Variants in PPP6R1 observed in about 807,000 individuals in gnomAD.
PPP6R1 encodes protein phosphatase 6 regulatory subunit 1.
A neutral mutation model predicts 104.6 loss-of-function variants in PPP6R1; 39 were observed. That is an observed-to-expected ratio of 0.37 (90% CI 0.29 to 0.49). The LOEUF is 0.49. PPP6R1 is among the 20% of genes least tolerant of loss of function. The pLI is 0.98. For missense variants in PPP6R1, 1,181 were observed against 1,155.8 expected (o/e 1.02, Z -0.32); for synonymous variants, 549 against 479.0 (o/e 1.15, Z -1.91).
intron 20 of PPP6R1, 24 bp from the exon 21 acceptor site, chr19:55,231,515 C>A (rs759852107): frequency 1.2e-6 from 2 of 1,600,136 alleles, no homozygotes; most frequent in Non-Finnish European, 8.5e-7. Context: ...GAGATCTCAG[C>A]TGCAGCTCCC....
chr19:55,241,717 G>A lies in PPP6R1; in HGVS notation c.846-78C>T, dbSNP rs1002689812. The A allele has an allele frequency of 6.6e-5, 94 of 1,431,930 alleles. No homozygotes were observed. The highest frequency in any genetic ancestry group is 1.5e-4 in the East Asian group (6 of 39,816). The allele number at this position is 1,431,930 out of a possible 1,614,324, so 88.7% of individuals were successfully genotyped here. ...ACACAGGAGTAGGCACAAGGACCAC[G>A]TCTGCAGGGTCTGGAGGAAAACGAG... On this transcript the variant is annotated intron_variant, in intron 7 of 23. Coordinates refer to ENST00000412770, the MANE Select transcript of PPP6R1 (RefSeq NM_014931.4). The surrounding 1 kb of genome is among the most constrained non-coding windows in gnomAD (Gnocchi z 5.4).
At chr19:55,231,040 G>C in intron 21 of PPP6R1, 156 bp from the exon 22 acceptor site, 1 of 680,442 alleles carries the variant, frequency 1.5e-6, no homozygotes. Flanking sequence ...GCTCAGCGTG[G>C]AGGGACAGCA....
In PPP6R1 at chr19:55,241,711, GACC is replaced by G; in HGVS notation, c.846-75_846-73del. 6.9e-7 allele frequency: 1 copy of G among 1,452,844 alleles called. No homozygotes were observed. Among genetic ancestry groups the G allele is most frequent in the South Asian group, 1.4e-5 (1 of 71,390 alleles). The allele number at this position is 1,452,844 out of a possible 1,614,324, so 90.0% of individuals were successfully genotyped here. On this transcript the variant is annotated intron_variant, in intron 7 of 23. Coordinates refer to ENST00000412770, the MANE Select transcript of PPP6R1 (RefSeq NM_014931.4). This position sits in a 1 kb window ranked among gnomAD's most constrained non-coding sequence, Gnocchi z 5.4. ...GCGCCCACACAGGAGTAGGCACAAG[GACC>G]ACGTCTGCAGGGTCTGGAGGAAAAC...
intron 1 of PPP6R1, among the ~76,000 whole-genome samples, chr19:55,248,456 C>T (rs2087528178): frequency 6.6e-6 from 1 of 152,264 alleles, no homozygotes; most frequent in African/African-American, 2.4e-5. Flanking sequence ...AAGGCAGAGG[C>T]CACTGCTACC....
chr19:55,235,239 C>T (rs944950355), intron 17 of PPP6R1, among the ~76,000 whole-genome samples: 35 of 151,776 alleles, frequency 2.3e-4, no homozygotes, highest in South Asian at 2.1e-4. Flanking sequence ...AACATTTGCA[C>T]TAAAATGTCA....
intron 17 of PPP6R1, 72 bp from the exon 18 acceptor site, chr19:55,232,283 C>G: frequency 6.8e-7 from 1 of 1,473,402 alleles, no homozygotes; most frequent in South Asian, 1.4e-5. Context: ...TTCCCTGCAG[C>G]CCAGGGTCAG....
intron 1 of PPP6R1, among the ~76,000 whole-genome samples, chr19:55,257,463 G>C (rs1457661011): frequency 6.6e-6 from 1 of 152,150 alleles, no homozygotes; most frequent in Admixed American, 6.5e-5. Flanking sequence ...CCCATTCGAG[G>C]CCTGGATAAG....
At chr19:55,248,982 C>T (rs531284688) in intron 1 of PPP6R1, among the ~76,000 whole-genome samples, 39 of 152,342 alleles carry the variant, frequency 2.6e-4, no homozygotes, top group African/African-American at 9.1e-4. Flanking sequence ...TGCTCCCAGT[C>T]TGCCCGTCTG....
chr19:55,253,166 G>A (rs906149203), intron 1 of PPP6R1, among the ~76,000 whole-genome samples: 27 of 152,318 alleles, frequency 1.8e-4, no homozygotes, highest in South Asian at 1.2e-3. Context: ...CCATGGACCC[G>A]CACTTGCAGA....
At position 55,230,345 on chromosome 19, in the gene PPP6R1, A is replaced by G; in HGVS notation, c.*183T>C. 1.3e-6 allele frequency: 1 copy of G among 761,482 alleles called. No individual in the cohort carries two copies. The highest frequency in any genetic ancestry group is 3.8e-4 in the Middle Eastern group (1 of 2,600). The allele number at this position is 761,482 out of a possible 1,614,324, so 47.2% of individuals were successfully genotyped here. A position where few individuals can be genotyped will look rare whatever the true frequency, so the allele number is the denominator to read the frequency against. On this transcript the variant is annotated 3_prime_UTR_variant, in exon 24 of 24. Coordinates refer to ENST00000412770, the MANE Select transcript of PPP6R1 (RefSeq NM_014931.4). ...GCAACGCTCCAAAACTTCTCTTCTC[A>G]GTGCAAATGGGGGTGGGTTGGGCCT...
rs745637001 is a variant in PPP6R1, at chr19:55,239,833, A to G, written c.1556T>C (p.Val519Ala). 2 of 1,613,852 alleles carry G rather than the reference A, an allele frequency of 1.2e-6. No individual in the cohort carries two copies. Among genetic ancestry groups the G allele is most frequent in the East Asian group, 4.5e-5 (2 of 44,870 alleles). Reference protein sequence around the residue: ...PLAETNKKNMVDLVNTHHLHS... With the variant: ...PLAETNKKNMADLVNTHHLHS... Reference sequence around the variant, plus strand: ...AGAGAAGCTGGGCCTCACCAGGTCCACCATGTTCTTCTTGTTGGTCTCCGC... The same window carrying G: ...AGAGAAGCTGGGCCTCACCAGGTCCGCCATGTTCTTCTTGTTGGTCTCCGC... The change falls in exon 13 of 24, where the codon GTG (valine) becomes GCG (alanine). Residue 519 changes from valine (V) to alanine (A), a missense_variant. Val to Ala is a moderately conservative substitution (Grantham distance 64). This residue lies in a region of PPP6R1 where 1,042 missense variants were observed against 955.6 expected (regional missense o/e 1.09). Coordinates refer to ENST00000412770, the MANE Select transcript of PPP6R1 (RefSeq NM_014931.4).
At chr19:55,243,288 C>T (rs1231669267) in intron 5 of PPP6R1, among the ~76,000 whole-genome samples, 1 of 151,742 alleles carries the variant, frequency 6.6e-6, no homozygotes, top group Non-Finnish European at 1.5e-5. Context: ...TGGTAGGCGC[C>T]TGTAGTCCCA....
chr19:55,228,838 C>G (rs546100883), downstream of PPP6R1: 136 of 1,273,518 alleles, frequency 1.1e-4, no homozygotes, highest in African/African-American at 1.9e-3. Flanking sequence ...CAAGGAGCGT[C>G]CTGTGGACTC....
In PPP6R1 at chr19:55,236,738, C is replaced by T. The variant is rs751173367; in HGVS notation, c.1893G>A (p.Glu631=). The T allele has an allele frequency of 1.2e-6, 2 of 1,613,954 alleles. No individual in the cohort carries two copies. The highest frequency in any genetic ancestry group is 2.2e-5 in the East Asian group (1 of 44,878). The change falls in exon 17 of 24, where the codon GAG becomes GAA. Residue 631 remains glutamate, a synonymous_variant. Coordinates refer to ENST00000412770, the MANE Select transcript of PPP6R1 (RefSeq NM_014931.4). ...DDDEEEEDEE[E]AQGSGESDGE... Reference sequence around the variant, plus strand: ...CATCAGACTCCCCTGAGCCCTGGGCCTCTTCCTCGTCCTCCTCTTCCTCAT... The same window carrying T: ...CATCAGACTCCCCTGAGCCCTGGGCTTCTTCCTCGTCCTCCTCTTCCTCAT...
Position 55,241,539 on chromosome 19 carries a change from C to A in PPP6R1, c.946G>T (p.Ala316Ser). Residue 316 changes from alanine (A) to serine (S), a missense_variant, in exon 8 of 24, where the codon GCC becomes TCC. Physicochemically the swap from Ala to Ser is moderately conservative, Grantham distance 99. Around this residue, in one of 2 missense-constraint regions of PPP6R1, gnomAD observed 1,042 missense variants for 955.6 expected, o/e 1.09. Coordinates refer to ENST00000412770, the MANE Select transcript of PPP6R1 (RefSeq NM_014931.4). This position sits in a 1 kb window ranked among gnomAD's most constrained non-coding sequence, Gnocchi z 5.4. ...AGCCGCGGGCGTAGGGCGTGCAAGG[C>A]GCCCACACTGGACACAGTGCTTTCC... Reference protein sequence around the residue: ...ALESTVSSVGALHALRPRLSC... With the variant: ...ALESTVSSVGSLHALRPRLSC... 6.3e-7 allele frequency: 1 copy of A among 1,579,992 alleles called. No individual in the cohort carries two copies. The highest frequency in any genetic ancestry group is 2.3e-5 in the East Asian group (1 of 42,584).
chr19:55,236,284 A>C, intron 17 of PPP6R1: 1 of 196,552 alleles, frequency 5.1e-6, no homozygotes, highest in Non-Finnish European at 1.0e-5. Context: ...CCTCCCGAGT[A>C]GCCAGGACTA....
intron 15 of PPP6R1, among the ~76,000 whole-genome samples, chr19:55,238,063 T>C (rs989850093): frequency 3.4e-5 from 5 of 146,050 alleles, no homozygotes; most frequent in Admixed American, 3.4e-4. Context: ...GGTTTTCTTC[T>C]TTTTTTTTTT....
Position 55,236,970 on chromosome 19 carries a change from G to T in PPP6R1, c.1752C>A (p.Asn584Lys). Residue 584 changes from asparagine to lysine, a missense_variant and splice_region_variant, in exon 16 of 24, where the codon AAC becomes AAA. By Grantham distance (94) the Asn-to-Lys change is moderately conservative. Transcript: ENST00000412770. Reference sequence around the variant, plus strand: ...TGTTGGCTGTCTTGTCAAAAGGTGCGCTAGGAGAGAAGGCAAGGCATGGTG... The same window carrying T: ...TGTTGGCTGTCTTGTCAAAAGGTGCTCTAGGAGAGAAGGCAAGGCATGGTG... ...EEFGEQEESV[N>K]APFDKTANIT... The T allele has an allele frequency of 6.2e-7, 1 of 1,610,530 alleles. No homozygotes were observed. The highest frequency in any genetic ancestry group is 8.5e-7 in the Non-Finnish European group (1 of 1,176,770).
At chr19:55,232,556 C>T in intron 17 of PPP6R1, 1 of 289,412 alleles carries the variant, frequency 3.5e-6, no homozygotes, top group Non-Finnish European at 6.5e-6. Flanking sequence ...ACCTCCCAGC[C>T]GTCACCTCAC....
Sources: gnomAD v4.1 joint callset for allele counts (sites outside exome capture counted in the v4.1 genomes callset) on GRCh38, gnomAD v4.1.1 for gene constraint, gnomAD v4.1.1 regional missense constraint, Gnocchi (gnomAD v3.1) non-coding constraint, MANE v1.5 for transcripts, NCBI Gene and HGNC (gene_info 2026-07-23, HGNC 2026-07-21) for gene names.